Variants in OPTN observed in about 807,000 individuals in gnomAD.
OPTN encodes E3-14.7K-interacting protein.
A neutral mutation model predicts 70.4 loss-of-function variants in OPTN; 54 were observed. The ratio of observed to expected loss-of-function variants is 0.77; its 90% confidence interval spans 0.62 to 0.96. OPTN has a LOEUF of 0.96. Among genes scored for constraint, OPTN ranks in the 40% least tolerant of loss-of-function variants. The pLI, the probability that OPTN is intolerant of heterozygous loss-of-function variation, is 0.00. For synonymous variants in OPTN, 256 were observed against 248.5 expected, an observed-to-expected ratio of 1.03 and a Z score of -0.28; for missense variants, 624 against 673.2, an observed-to-expected ratio of 0.93 and a Z score of 0.81.
At chr10:13,108,710 C>A (rs1298165137) in intron 2 of OPTN, among the ~76,000 whole-genome samples, 1 of 152,104 alleles carries the variant, frequency 6.6e-6, no homozygotes, top group Non-Finnish European at 1.5e-5. Context: ...CCAAGCCCGG[C>A]TAATTTTTTG....
chr10:13,103,767 C>CACACACACAA (rs1466997632), intron 1 of OPTN, among the ~76,000 whole-genome samples: 3 of 151,944 alleles, frequency 2.0e-5, no homozygotes, highest in Admixed American at 6.6e-5. Flanking sequence ...CACACACACA[C>CACACACACAA]AATCAGGAAT....
intron 4 of OPTN, among the ~76,000 whole-genome samples, chr10:13,111,120 C>G (rs1832986024): frequency 6.6e-6 from 1 of 152,128 alleles, no homozygotes; most frequent in South Asian, 2.1e-4. Context: ...TTAAGGAGTC[C>G]TCTGCTGTCC....
Position 13,132,060 on chromosome 10 carries a change from C to A in OPTN, c.1402-7C>A. 6.2e-7 allele frequency: 1 copy of A among 1,611,342 alleles called. No individual in the cohort carries two copies. Among genetic ancestry groups the A allele is most frequent in the South Asian group, 1.1e-5 (1 of 90,882 alleles). On this transcript the variant is annotated splice_region_variant and splice_polypyrimidine_tract_variant and intron_variant, in intron 12 of 14. Transcript: ENST00000378747. ...ACTAACTTCTGTATCTTTTTTTCCT[C>A]TAACAGATGGAAGTTTACTGTTCTG...
rs56147136 is a variant in OPTN at position 13,128,502 on chromosome 10, C to CTTTTT, written c.1401+627_1401+631dup. Among the ~76,000 whole-genome samples the CTTTTT allele has an allele frequency of 7.2e-4, 24 of 33,466 alleles. 3 individuals are homozygous for CTTTTT. The highest frequency in any genetic ancestry group is 2.1e-3 in the African/African-American group (13 of 6,134). The allele number at this position is 33,466 out of a possible 152,430, so 22.0% of individuals were successfully genotyped here. A position where few individuals can be genotyped will look rare whatever the true frequency, so the allele number is the denominator to read the frequency against. On this transcript the variant is annotated intron_variant, in intron 12 of 14. Coordinates refer to ENST00000378747, the MANE Select transcript of OPTN (RefSeq NM_001008212.2). ...TTGTGAAGTGCCTTATCAAGCCTGC[C>CTTTTT]TTTTTTTTTTTTTTTTTTTTTTTTT...
At chr10:13,107,672 C>T (rs1004868912) in intron 1 of OPTN, among the ~76,000 whole-genome samples, 1 of 152,042 alleles carries the variant, frequency 6.6e-6, no homozygotes, top group African/African-American at 2.4e-5. Context: ...TGAGCCACCG[C>T]GCCCGGCTCA....
At chr10:13,107,114 C>A (rs918020985) in intron 1 of OPTN, among the ~76,000 whole-genome samples, 1 of 152,104 alleles carries the variant, frequency 6.6e-6, no homozygotes, top group African/African-American at 2.4e-5. Flanking sequence ...GTGGCTTATG[C>A]CTGTAATCCC....
At position 13,122,499 on chromosome 10, in the gene OPTN, G is replaced by T; in HGVS notation, c.882+12G>T. On this transcript the variant is annotated intron_variant, in intron 8 of 14. Transcript: ENST00000378747. ...AAGGCCCGGAGACTGTGAGTCCTAA[G>T]ATTCCACGGCCACTACCACACCCAC... 1.3e-6 allele frequency: 2 copies of T among 1,575,870 alleles called. No homozygotes were observed. Among genetic ancestry groups the T allele is most frequent in the Non-Finnish European group, 8.7e-7 (1 of 1,145,192 alleles).
At position 13,137,748 on chromosome 10, in the gene OPTN, GA is replaced by G; in HGVS notation, c.*888del. 2 of 229,320 alleles carry G rather than the reference GA, an allele frequency of 8.7e-6. No individual in the cohort carries two copies. Among genetic ancestry groups the G allele is most frequent in the Non-Finnish European group, 1.7e-5 (2 of 115,798 alleles). 14.2% of individuals were successfully genotyped at this position (229,320 alleles called of 1,614,324 possible). A position where few individuals can be genotyped will look rare whatever the true frequency, so the allele number is the denominator to read the frequency against. ...GCCTTTACTTAATATCAAGACAAGT[GA>G]AAAAATATTGGCATCGATGAAACCG... On this transcript the variant is annotated 3_prime_UTR_variant, in exon 15 of 15. Transcript: ENST00000378747.
intron 5 of OPTN, among the ~76,000 whole-genome samples, 170 bp from the exon 6 acceptor site, chr10:13,116,097 C>T (rs552262634): frequency 6.6e-6 from 1 of 152,096 alleles, no homozygotes; most frequent in Non-Finnish European, 1.5e-5. Context: ...GGGGAGGGTA[C>T]GTTTCCATTT....
rs1234371521 is a variant in OPTN at position 13,132,187 on chromosome 10, G to A, written c.1522G>A (p.Asp508Asn). Residue 508 changes from aspartate to asparagine, a missense_variant, in exon 13 of 15, where the codon GAC (aspartate) becomes AAC (asparagine). Transcript: ENST00000378747. ...GCTGAAAGAGAATGATGCTTTCGAA[G>A]ACGGAGGCAGGTAAGGAAAAGAGAG... ...VLLKENDAFEDGGRQSLMEMQ... is the reference protein window; with the variant it reads ...VLLKENDAFENGGRQSLMEMQ... The A allele has an allele frequency of 6.2e-7, 1 of 1,612,526 alleles. No individual in the cohort carries two copies. Among genetic ancestry groups the A allele is most frequent in the African/African-American group, 1.3e-5 (1 of 74,872 alleles).
intron 1 of OPTN, among the ~76,000 whole-genome samples, chr10:13,101,346 C>T (rs768098327): frequency 1.3e-5 from 2 of 152,078 alleles, no homozygotes; most frequent in African/African-American, 4.8e-5. Flanking sequence ...TATAAACTAA[C>T]CTTTAGGTTG....
At chr10:13,102,232 CT>C (rs1386832032) in intron 1 of OPTN, among the ~76,000 whole-genome samples, 7 of 152,334 alleles carry the variant, frequency 4.6e-5, no homozygotes, top group African/African-American at 1.7e-4. Context: ...ACCGTGAGCT[CT>C]TTAACGTGCC....
intron 7 of OPTN, among the ~76,000 whole-genome samples, chr10:13,119,981 C>CTTT (rs35284693): frequency 3.2e-4 from 38 of 117,618 alleles, no homozygotes; most frequent in South Asian, 1.7e-3. Context: ...TATTTTCTTT[C>CTTT]TTTTTTTTTT....
intron 3 of OPTN, chr10:13,110,042 A>G: frequency 1.6e-6 from 1 of 634,914 alleles, no homozygotes; most frequent in South Asian, 2.0e-5. Context: ...GCGGTACCCA[A>G]ATCCACTTTA....
chr10:13,110,501 GTTGT>G (rs778173490), intron 4 of OPTN, 25 bp downstream of exon 4: 5 of 1,505,324 alleles, frequency 3.3e-6, no homozygotes, highest in East Asian at 2.4e-5. Flanking sequence ...CCATTGTGAT[GTTGT>G]TTTTTTTTTT....
intron 1 of OPTN, among the ~76,000 whole-genome samples, chr10:13,101,411 C>A (rs1832744054): frequency 7.2e-6 from 1 of 138,290 alleles, no homozygotes; most frequent in Admixed American, 7.3e-5. Context: ...CCCCCCCACC[C>A]ACCCCCGGAA....
At chr10:13,116,952 C>T (rs548456293) in intron 6 of OPTN, among the ~76,000 whole-genome samples, 4 of 152,102 alleles carry the variant, frequency 2.6e-5, no homozygotes, top group Non-Finnish European at 5.9e-5. Flanking sequence ...TAGAACTGAG[C>T]GCCTGAACCT....
chr10:13,110,495 T>C lies in OPTN; in HGVS notation c.369+19T>C. 9 of 1,564,342 alleles carry C rather than the reference T, an allele frequency of 5.8e-6. No individual in the cohort carries two copies. Among genetic ancestry groups the C allele is most frequent in the Non-Finnish European group, 7.8e-6 (9 of 1,156,496 alleles). On this transcript the variant is annotated intron_variant, in intron 4 of 14. Coordinates refer to ENST00000378747, the MANE Select transcript of OPTN (RefSeq NM_001008212.2). ...ATCTGAGGTGAGCAGACCGATCCAT[T>C]GTGATGTTGTTTTTTTTTTTTCCCT...
At chr10:13,100,793 A>G (rs1296147531) in intron 1 of OPTN, among the ~76,000 whole-genome samples, 1 of 152,182 alleles carries the variant, frequency 6.6e-6, no homozygotes, top group African/African-American at 2.4e-5. Flanking sequence ...TAGAGAGAAT[A>G]TTTGATGAGG....
Sources: allele counts gnomAD v4.1 joint callset (sites outside exome capture counted in the v4.1 genomes callset), GRCh38; gene constraint gnomAD v4.1.1; transcripts MANE v1.5; gene names NCBI Gene and HGNC (gene_info 2026-07-23, HGNC 2026-07-21).